The following CADM1 variants were observed in gnomAD, a reference collection of about 807,000 sequenced individuals.
The protein encoded by CADM1 is cell adhesion molecule 1, also known as TSLC-1.
Under a neutral mutation model 53.1 loss-of-function variants are expected in CADM1, and 15 were observed. The ratio of observed to expected loss-of-function variants is 0.28; its 90% CI spans 0.19 to 0.44. The LOEUF (loss-of-function observed/expected upper bound fraction) is 0.44, where lower values mean the gene tolerates loss of function less well. Among genes scored for constraint, CADM1 ranks in the 20% least tolerant of loss-of-function variants. CADM1 has a pLI of 1.00. For synonymous variants in CADM1, 281 were observed against 243.0 expected (o/e 1.16, Z -1.45); for missense variants, 434 against 611.3 (o/e 0.71, Z 3.06).
chr11:115,434,863 A>AT (rs71066429), intron 1 of CADM1, among the ~76,000 whole-genome samples: 5,115 of 128,588 alleles, frequency 0.04, 128 homozygotes, highest in Non-Finnish European at 0.055. Context: ...TATTATTATT[A>AT]TTTTTTTTTT....
intron 9 of CADM1, among the ~76,000 whole-genome samples, chr11:115,194,421 G>A (rs1940049890): frequency 6.6e-6 from 1 of 152,226 alleles, no homozygotes; most frequent in African/African-American, 2.4e-5. Context: ...GGCTGTGCTC[G>A]TAGGGTACGA....
chr11:115,360,092 C>T (rs183391886), intron 1 of CADM1, among the ~76,000 whole-genome samples: 2 of 152,246 alleles, frequency 1.3e-5, no homozygotes, highest in East Asian at 3.9e-4. Flanking sequence ...GATAAAGAAG[C>T]CTCTCTTTGG....
At chr11:115,435,728 C>T (rs1312222694) in intron 1 of CADM1, among the ~76,000 whole-genome samples, 1 of 152,102 alleles carries the variant, frequency 6.6e-6, no homozygotes, top group Non-Finnish European at 1.5e-5. Flanking sequence ...GAGACTCCGT[C>T]TCAAAAAATA....
At position 115,200,178 on chromosome 11, in the gene CADM1, C is replaced by T. The variant is rs73572111; in HGVS notation, c.1079-1740G>A. ...AAGGAAAGAGAAACATACAATATAC[C>T]GCATAAGAACAAAATACTTACAAGT... On this transcript the variant is annotated intron_variant, in intron 8 of 11. Transcript: ENST00000331581. 9.5e-4 allele frequency among the ~76,000 whole-genome samples: 144 copies of T among 152,214 alleles called. 1 individual carries two copies. Among genetic ancestry groups the T allele is most frequent in the African/African-American group, 3.3e-3 (138 of 41,550 alleles).
intron 3 of CADM1, among the ~76,000 whole-genome samples, chr11:115,232,509 G>A (rs1941856240): frequency 6.6e-6 from 1 of 152,172 alleles, no homozygotes; most frequent in African/African-American, 2.4e-5. Flanking sequence ...ACTCTTAAGT[G>A]CTTATAAGTA....
intron 1 of CADM1, among the ~76,000 whole-genome samples, chr11:115,293,481 C>T (rs903610633): frequency 6.6e-6 from 1 of 152,144 alleles, no homozygotes; most frequent in African/African-American, 2.4e-5. Flanking sequence ...CTCCAGAGAC[C>T]CCAGAAACTC....
chr11:115,357,358 T>C (rs1565384487), intron 1 of CADM1, among the ~76,000 whole-genome samples: 1 of 152,202 alleles, frequency 6.6e-6, no homozygotes, highest in East Asian at 1.9e-4. Context: ...GGTTCATTCA[T>C]TCAGTTTTAA....
intron 1 of CADM1, among the ~76,000 whole-genome samples, chr11:115,415,284 G>A (rs1038684065): frequency 7.2e-6 from 1 of 138,134 alleles, no homozygotes; most frequent in Non-Finnish European, 1.5e-5. Context: ...ACCAAATGTT[G>A]GCTATTCTTA....
At chr11:115,394,709 A>G (rs553237761) in intron 1 of CADM1, among the ~76,000 whole-genome samples, 261 of 152,310 alleles carry the variant, frequency 1.7e-3, no homozygotes, top group Non-Finnish European at 2.8e-3. Flanking sequence ...CCCAATGTCA[A>G]AAACTAAAGT....
chr11:115,264,800 A>C (rs1486647323), intron 1 of CADM1, among the ~76,000 whole-genome samples: 2 of 152,218 alleles, frequency 1.3e-5, no homozygotes, highest in South Asian at 4.1e-4. Flanking sequence ...AGGATTCAAT[A>C]AACAGCAGCT....
intron 1 of CADM1, among the ~76,000 whole-genome samples, chr11:115,390,813 G>T (rs563967532): frequency 1.4e-4 from 22 of 152,032 alleles, no homozygotes; most frequent in African/African-American, 4.8e-4. Context: ...GCATTTAATT[G>T]TATTTATTTC....
At chr11:115,299,365 G>A (rs1036842709) in intron 1 of CADM1, among the ~76,000 whole-genome samples, 3 of 152,100 alleles carry the variant, frequency 2.0e-5, no homozygotes, top group Admixed American at 2.0e-4. Flanking sequence ...CTGCCCCACA[G>A]GGAGAACAAA....
chr11:115,200,488 CTTTCT>C (rs1010491657), intron 8 of CADM1, among the ~76,000 whole-genome samples: 6 of 152,162 alleles, frequency 3.9e-5, no homozygotes, highest in East Asian at 1.9e-4. Context: ...TTCTAATGTG[CTTTCT>C]TTTCTTTTCT....
At chr11:115,350,217 C>T (rs1215439786) in intron 1 of CADM1, among the ~76,000 whole-genome samples, 3 of 152,198 alleles carry the variant, frequency 2.0e-5, no homozygotes, top group African/African-American at 7.2e-5. Context: ...GTGATGCACC[C>T]GCCTCAGCCT....
intron 8 of CADM1, among the ~76,000 whole-genome samples, chr11:115,201,215 C>A (rs1279302969): frequency 6.6e-6 from 1 of 152,122 alleles, no homozygotes; most frequent in African/African-American, 2.4e-5. Flanking sequence ...TAGGAGACTG[C>A]AGGAGAAACA....
chr11:115,376,757 G>A (rs1946448291), intron 1 of CADM1, among the ~76,000 whole-genome samples: 3 of 152,146 alleles, frequency 2.0e-5, no homozygotes, highest in Admixed American at 1.3e-4. Flanking sequence ...CTTGTCTGAA[G>A]CAGGTACCAC....
At chr11:115,320,555 T>C (rs1034538684) in intron 1 of CADM1, among the ~76,000 whole-genome samples, 2 of 152,162 alleles carry the variant, frequency 1.3e-5, no homozygotes, top group Non-Finnish European at 2.9e-5. Flanking sequence ...TATTTCCCTA[T>C]ACTGTATTAT....
chr11:115,455,855 C>T (rs1948673009), intron 1 of CADM1, among the ~76,000 whole-genome samples: 1 of 152,132 alleles, frequency 6.6e-6, no homozygotes, highest in South Asian at 2.1e-4. Flanking sequence ...CAGCGTGTTG[C>T]GTGCTCTGCA....
intron 1 of CADM1, among the ~76,000 whole-genome samples, chr11:115,307,731 T>C (rs1239337451): frequency 6.6e-6 from 1 of 151,820 alleles, no homozygotes. Context: ...AGATTTAAAA[T>C]TTTAAGAGAG....
Sources: allele counts gnomAD v4.1 joint callset (sites outside exome capture counted in the v4.1 genomes callset), GRCh38; gene constraint gnomAD v4.1.1; transcripts MANE v1.5; gene names NCBI Gene and HGNC (gene_info 2026-07-23, HGNC 2026-07-21).